CYP27C1: variants seen among roughly 807,000 people sequenced by gnomAD.
The protein encoded by CYP27C1 is cytochrome P450 family 27 subfamily C member 1.
In CYP27C1, 29 loss-of-function variants were observed where a neutral mutation model predicts 40.6. The observed-to-expected ratio is 0.71, with a 90% CI of 0.53 to 0.97. The LOEUF (loss-of-function observed/expected upper bound fraction) is 0.97, where lower values mean the gene tolerates loss of function less well. CYP27C1 is among the 50% of genes least tolerant of loss of function. The probability of loss-of-function intolerance (pLI) is 0.00; values close to 1 mark genes in which losing one functional copy is unlikely to be tolerated. For missense variants in CYP27C1, 390 were observed against 485.8 expected (o/e 0.80, Z 1.85); for synonymous variants, 198 against 186.8 (o/e 1.06, Z -0.49).
In CYP27C1 at chr2:127,208,171, GCA is replaced by G. The variant is rs747934396; in HGVS notation, c.283-2083_283-2082del. On this transcript the variant is annotated intron_variant, in intron 1 of 8. Coordinates refer to ENST00000664447, the MANE Select transcript of CYP27C1 (RefSeq NM_001367502.1). This position sits in a 1 kb window ranked among gnomAD's most constrained non-coding sequence, Gnocchi z 5.2. Reference sequence around the variant, plus strand: ...TAATAAGCATGTGAAACCTTCCCTGGCAGCCAGGGTATCCAGGTTCTCTCATC... The same window carrying G: ...TAATAAGCATGTGAAACCTTCCCTGGGCCAGGGTATCCAGGTTCTCTCATC... Among the ~76,000 whole-genome samples the G allele has an allele frequency of 6.6e-6, 1 of 152,138 alleles. No homozygotes were observed. The highest frequency in any genetic ancestry group is 1.9e-4 in the East Asian group (1 of 5,188).
chr2:127,211,088 A>G (rs116620554), intron 1 of CYP27C1, among the ~76,000 whole-genome samples: 2,113 of 152,286 alleles, frequency 0.014, 55 homozygotes, highest in African/African-American at 0.048. Context: ...CATGGCACTT[A>G]TTTGTCAATT....
intron 5 of CYP27C1, among the ~76,000 whole-genome samples, chr2:127,197,143 G>GAAGCC (rs1307486368): frequency 6.6e-6 from 1 of 152,184 alleles, no homozygotes; most frequent in African/African-American, 2.4e-5. Flanking sequence ...GCTCAGCGAC[G>GAAGCC]AAGCCATTCA....
chr2:127,204,413 A>G (rs1573900997), intron 2 of CYP27C1, among the ~76,000 whole-genome samples: 1 of 135,324 alleles, frequency 7.4e-6, no homozygotes, highest in African/African-American at 2.7e-5. Context: ...AGAAAGAAAG[A>G]AAAGAAAGAG....
intron 7 of CYP27C1, 77 bp from the exon 8 acceptor site, chr2:127,193,374 C>G: frequency 1.9e-6 from 3 of 1,572,956 alleles, no homozygotes; most frequent in Non-Finnish European, 2.6e-6. Flanking sequence ...AGAGCCCTAG[C>G]CGGACAGTCT....
intron 2 of CYP27C1, 81 bp from the exon 3 acceptor site, chr2:127,203,652 T>A: frequency 1.0e-5 from 15 of 1,462,188 alleles, no homozygotes; most frequent in East Asian, 2.3e-5. Context: ...CTAGAAAAAA[T>A]TTCAGCCATA....
At position 127,203,579 on chromosome 2, in the gene CYP27C1, A is replaced by T. The variant is rs1342153147; in HGVS notation, c.474-8T>A. On this transcript the variant is annotated splice_polypyrimidine_tract_variant and splice_region_variant and intron_variant, in intron 2 of 8. Transcript: ENST00000664447. ...AGCCACTGTTCACCCTCCCTAGAAG[A>T]ATCAAGTGAGTTTCAAATCATCTTA... The T allele has an allele frequency of 1.2e-6, 2 of 1,602,898 alleles. No homozygotes were observed. Among genetic ancestry groups the T allele is most frequent in the Middle Eastern group, 1.7e-4 (1 of 6,052 alleles).
intron 2 of CYP27C1, among the ~76,000 whole-genome samples, chr2:127,204,535 A>AAGGAGAG (rs1683157419): frequency 2.1e-5 from 1 of 46,872 alleles, no homozygotes; most frequent in Non-Finnish European, 4.4e-5. Context: ...GAAAGAAAGA[A>AAGGAGAG]AGAGAGAGAG....
At chr2:127,203,320 T>C in intron 3 of CYP27C1, 52 bp downstream of exon 3, 4 of 1,579,852 alleles carry the variant, frequency 2.5e-6, no homozygotes, top group Non-Finnish European at 3.4e-6. Flanking sequence ...ATCTGCAGGT[T>C]TGGGGCAAGT....
chr2:127,201,408 C>A lies in CYP27C1; in HGVS notation c.674-77G>T. ...AACAGGCAATGTTGGGCCATAAATG[C>A]AACTTTCAAACGTGGTCCAGGTGCC... On this transcript the variant is annotated intron_variant, in intron 3 of 8. Coordinates refer to ENST00000664447, the MANE Select transcript of CYP27C1 (RefSeq NM_001367502.1). The surrounding 1 kb of genome is among the most constrained non-coding windows in gnomAD (Gnocchi z 6.0). 5 of 1,436,814 alleles carry A rather than the reference C, an allele frequency of 3.5e-6. No homozygotes were observed. Among genetic ancestry groups the A allele is most frequent in the Non-Finnish European group, 4.8e-6 (5 of 1,046,762 alleles). 89.0% of individuals were successfully genotyped at this position (1,436,814 alleles called of 1,614,324 possible).
At chr2:127,202,997 T>C (rs779828441) in intron 3 of CYP27C1, among the ~76,000 whole-genome samples, 14 of 151,894 alleles carry the variant, frequency 9.2e-5, no homozygotes, top group South Asian at 4.2e-4. Flanking sequence ...TGAAACACTG[T>C]CTCTACTAAA....
At position 127,204,512 on chromosome 2, in the gene CYP27C1, A is replaced by AGGAAG. The variant is rs1429894886; in HGVS notation, c.474-942_474-941insCTTCC. Among the ~76,000 whole-genome samples the AGGAAG allele has an allele frequency of 3.0e-3, 152 of 50,154 alleles. 15 individuals are homozygous for AGGAAG. The highest frequency in any genetic ancestry group is 8.3e-3 in the Middle Eastern group (1 of 120). 32.9% of individuals were successfully genotyped at this position (50,154 alleles called of 152,430 possible). ...AGGAAGGAAGGAAGGAAGGAAAGAA[A>AGGAAG]GAAGGAAAGAAAGAAAGAAAGAAAG... On this transcript the variant is annotated intron_variant, in intron 2 of 8. Coordinates refer to ENST00000664447, the MANE Select transcript of CYP27C1 (RefSeq NM_001367502.1).
intron 3 of CYP27C1, among the ~76,000 whole-genome samples, chr2:127,202,301 T>A (rs1231013151): frequency 1.3e-5 from 2 of 152,158 alleles, no homozygotes; most frequent in African/African-American, 4.8e-5. Context: ...AATTGTTGTA[T>A]TTTTAGTAGA....
Position 127,211,476 on chromosome 2 carries a change from G to A in CYP27C1, c.283-5386C>T, listed in dbSNP as rs565028380. 3.3e-4 allele frequency among the ~76,000 whole-genome samples: 48 copies of A among 144,770 alleles called. 1 individual carries two copies. The highest frequency in any genetic ancestry group is 1.0e-3 in the African/African-American group (40 of 38,618). The allele number at this position is 144,770 out of a possible 152,430, so 95.0% of individuals were successfully genotyped here. ...TGGCTCACTGCAAGCTCCGCCTCCC[G>A]GGTTCATGCCATTCTCCTGCCTCAA... On this transcript the variant is annotated intron_variant, in intron 1 of 8. Transcript: ENST00000664447.
intron 2 of CYP27C1, among the ~76,000 whole-genome samples, chr2:127,204,036 G>A (rs1463208051): frequency 6.6e-6 from 1 of 151,826 alleles, no homozygotes; most frequent in Non-Finnish European, 1.5e-5. Flanking sequence ...AGGCCAAGAT[G>A]GGTGGATCAC....
At position 127,201,912 on chromosome 2, in the gene CYP27C1, G is replaced by A. The variant is rs945434297; in HGVS notation, c.674-581C>T. 6.6e-6 allele frequency among the ~76,000 whole-genome samples: 1 copy of A among 152,156 alleles called. No individual in the cohort carries two copies. The highest frequency in any genetic ancestry group is 2.4e-5 in the African/African-American group (1 of 41,416). Reference sequence around the variant, plus strand: ...GCAGAAGTGGCCTGGATGAATCCGTGTCGGGCAGAGCTGTGAACTGTATTT... The same window carrying A: ...GCAGAAGTGGCCTGGATGAATCCGTATCGGGCAGAGCTGTGAACTGTATTT... On this transcript the variant is annotated intron_variant, in intron 3 of 8. Transcript: ENST00000664447. The surrounding 1 kb of genome is among the most constrained non-coding windows in gnomAD (Gnocchi z 6.0).
chr2:127,201,883 C>T lies in CYP27C1; in HGVS notation c.674-552G>A, dbSNP rs77384584. Among the ~76,000 whole-genome samples the T allele has an allele frequency of 1.3e-5, 2 of 152,118 alleles. No homozygotes were observed. Among genetic ancestry groups the T allele is most frequent in the Non-Finnish European group, 1.5e-5 (1 of 68,030 alleles). On this transcript the variant is annotated intron_variant, in intron 3 of 8. Transcript: ENST00000664447. The surrounding 1 kb of genome is among the most constrained non-coding windows in gnomAD (Gnocchi z 6.0). Reference sequence around the variant, plus strand: ...GAGCCCAGGCCTGGAGAGCTAAAGGCGCAGCAGAAGTGGCCTGGATGAATC... The same window carrying T: ...GAGCCCAGGCCTGGAGAGCTAAAGGTGCAGCAGAAGTGGCCTGGATGAATC...
At chr2:127,190,762 A>G (rs1356878175) in intron 8 of CYP27C1, among the ~76,000 whole-genome samples, 1 of 149,368 alleles carries the variant, frequency 6.7e-6, no homozygotes, top group African/African-American at 2.5e-5. Context: ...CCTGGCCAGC[A>G]TGGTGAAACC....
intron 1 of CYP27C1, among the ~76,000 whole-genome samples, chr2:127,206,514 G>A (rs868727331): frequency 6.6e-6 from 1 of 152,070 alleles, no homozygotes; most frequent in Admixed American, 6.5e-5. Flanking sequence ...TCTCAATGTT[G>A]CCAGGCTGGT....
At position 127,186,959 on chromosome 2, in the gene CYP27C1, A is replaced by T. The variant is rs1202076246; in HGVS notation, c.*312T>A. On this transcript the variant is annotated 3_prime_UTR_variant, in exon 9 of 9. Coordinates refer to ENST00000664447, the MANE Select transcript of CYP27C1 (RefSeq NM_001367502.1). The surrounding 1 kb of genome is among the most constrained non-coding windows in gnomAD (Gnocchi z 4.5). The stretch of plus-strand genomic sequence containing the variant: ...ACCATTTCCCTGTACAAGTAAATGC[A>T]CAGGATACTGCCAGTCATTAAATAT... 4.2e-6 allele frequency: 1 copy of T among 237,258 alleles called. No homozygotes were observed. The highest frequency in any genetic ancestry group is 5.1e-5 in the Admixed American group (1 of 19,564). 14.7% of individuals were successfully genotyped at this position (237,258 alleles called of 1,614,324 possible).
Sources: allele counts gnomAD v4.1 joint callset (sites outside exome capture counted in the v4.1 genomes callset), GRCh38; gene constraint gnomAD v4.1.1; non-coding constraint Gnocchi (gnomAD v3.1); transcripts MANE v1.5; gene names NCBI Gene and HGNC (gene_info 2026-07-23, HGNC 2026-07-21).